The following CDH13 variants were observed in gnomAD, a reference collection of about 807,000 sequenced individuals.
The protein encoded by CDH13 is cadherin-13.
CDH13 carries 24 observed loss-of-function variants against 63.8 expected under a neutral mutation model. That is an observed-to-expected ratio of 0.38 (90% CI 0.27 to 0.53). The LOEUF (loss-of-function observed/expected upper bound fraction) is 0.53, where lower values mean the gene tolerates loss of function less well. Among genes scored for constraint, CDH13 ranks in the 20% least tolerant of loss-of-function variants. The pLI, the probability that CDH13 is intolerant of heterozygous loss-of-function variation, is 0.85. For missense variants in CDH13, 1,049 were observed against 903.1 expected, an observed-to-expected ratio of 1.16 and a Z score of -2.07; for synonymous variants, 503 against 355.3, an observed-to-expected ratio of 1.42 and a Z score of -4.67.
chr16:83,212,444 C>G (rs765268595), intron 4 of CDH13, among the ~76,000 whole-genome samples: 1 of 152,178 alleles, frequency 6.6e-6, no homozygotes, highest in African/African-American at 2.4e-5. Context: ...ATGCTTTCCT[C>G]GCCAAGCTTC....
At chr16:83,397,951 C>G (rs946571968) in intron 6 of CDH13, 1 of 152,178 alleles carries the variant, frequency 6.6e-6, no homozygotes, top group Non-Finnish European at 1.5e-5. Flanking sequence ...AGTCTTGCCC[C>G]AGATGTTCAA....
chr16:82,890,650 CTT>C (rs34036747), intron 2 of CDH13, among the ~76,000 whole-genome samples: 4 of 139,246 alleles, frequency 2.9e-5, no homozygotes, highest in Admixed American at 1.4e-4. Context: ...GAGAGACATT[CTT>C]TTTTTTTTTT....
intron 2 of CDH13, among the ~76,000 whole-genome samples, chr16:82,865,498 C>A (rs1375375048): frequency 6.6e-6 from 1 of 152,234 alleles, no homozygotes; most frequent in Non-Finnish European, 1.5e-5. Context: ...AGGCTTGGGG[C>A]TTGCACCCTC....
chr16:83,562,857 A>C (rs1598294378), intron 7 of CDH13, among the ~76,000 whole-genome samples: 1 of 152,212 alleles, frequency 6.6e-6, no homozygotes, highest in Non-Finnish European at 1.5e-5. Context: ...GTGCTATTCT[A>C]CTGTTACTAT....
intron 5 of CDH13, among the ~76,000 whole-genome samples, chr16:83,329,262 G>T (rs188049347): frequency 1.3e-5 from 2 of 152,192 alleles, no homozygotes; most frequent in African/African-American, 4.8e-5. Context: ...GTCCGGCTCT[G>T]TTGCCCAGGC....
At chr16:83,544,322 T>C (rs185797685) in intron 7 of CDH13, among the ~76,000 whole-genome samples, 29 of 152,198 alleles carry the variant, frequency 1.9e-4, no homozygotes, top group African/African-American at 6.7e-4. Context: ...TGGGTTTACA[T>C]TTCCATTCAG....
chr16:83,694,739 G>A (rs2150897680), intron 10 of CDH13, among the ~76,000 whole-genome samples: 1 of 152,300 alleles, frequency 6.6e-6, no homozygotes, highest in Non-Finnish European at 1.5e-5. Context: ...GGCAGGGTGT[G>A]GCTCTGGGCA....
At chr16:83,222,365 T>C (rs762354637) in intron 5 of CDH13, among the ~76,000 whole-genome samples, 13 of 152,330 alleles carry the variant, frequency 8.5e-5, no homozygotes, top group Middle Eastern at 3.4e-3. Flanking sequence ...TTCTAACCCA[T>C]CTGTAGCTCC....
chr16:82,876,531 T>C (rs2040509759), intron 2 of CDH13, among the ~76,000 whole-genome samples: 1 of 152,152 alleles, frequency 6.6e-6, no homozygotes, highest in African/African-American at 2.4e-5. Context: ...TTTAAAAAAA[T>C]AGATGGAACA....
At chr16:82,666,347 C>G (rs375593917) in intron 1 of CDH13, among the ~76,000 whole-genome samples, 13 of 152,206 alleles carry the variant, frequency 8.5e-5, no homozygotes, top group South Asian at 4.1e-4. Context: ...GCAGTTGATC[C>G]TACTTTCAAA....
intron 1 of CDH13, among the ~76,000 whole-genome samples, chr16:82,778,195 T>C (rs1313051032): frequency 6.6e-6 from 1 of 152,166 alleles, no homozygotes; most frequent in South Asian, 2.1e-4. Flanking sequence ...TTGGGTAGAA[T>C]TGTCCCTCCA....
intron 10 of CDH13, among the ~76,000 whole-genome samples, chr16:83,698,626 A>T (rs569320759): frequency 6.6e-6 from 1 of 152,306 alleles, no homozygotes; most frequent in South Asian, 2.1e-4. Flanking sequence ...TATGAGGAGG[A>T]TGCTTAGCCC....
chr16:83,335,126 A>G (rs958643140), intron 5 of CDH13, among the ~76,000 whole-genome samples: 12 of 152,224 alleles, frequency 7.9e-5, no homozygotes, highest in African/African-American at 2.9e-4. Context: ...TAAACAATAT[A>G]GTATACTGAC....
At chr16:83,549,575 C>G (rs532187810) in intron 7 of CDH13, among the ~76,000 whole-genome samples, 4 of 151,720 alleles carry the variant, frequency 2.6e-5, no homozygotes, top group East Asian at 3.9e-4. Flanking sequence ...GCATAGAGCA[C>G]TCCCTAACCC....
At chr16:83,496,332 A>G (rs1197301311) in intron 7 of CDH13, among the ~76,000 whole-genome samples, 1 of 148,094 alleles carries the variant, frequency 6.8e-6, no homozygotes, top group East Asian at 2.0e-4. Flanking sequence ...ATGGAACAGA[A>G]CAGAGCCCTC....
chr16:83,305,595 C>T (rs148006427), intron 5 of CDH13, among the ~76,000 whole-genome samples: 1 of 152,162 alleles, frequency 6.6e-6, no homozygotes, highest in African/African-American at 2.4e-5. Context: ...CCAGTTCTTC[C>T]ACGTAGCAGC....
intron 1 of CDH13, among the ~76,000 whole-genome samples, chr16:82,702,561 A>C (rs2031130082): frequency 1.3e-5 from 2 of 152,218 alleles, no homozygotes. Context: ...TCAGATGAAC[A>C]ATTTTGGAAT....
At chr16:83,287,296 G>A (rs1445341645) in intron 5 of CDH13, among the ~76,000 whole-genome samples, 1 of 152,218 alleles carries the variant, frequency 6.6e-6, no homozygotes, top group Non-Finnish European at 1.5e-5. Context: ...CTTTCATTCA[G>A]TAAGAGCGGG....
intron 7 of CDH13, among the ~76,000 whole-genome samples, chr16:83,506,293 A>G (rs1180873764): frequency 6.6e-6 from 1 of 152,164 alleles, no homozygotes; most frequent in East Asian, 1.9e-4. Context: ...GGGGTTGGGG[A>G]ATGGGGCAGT....
Sources: gnomAD v4.1 joint callset for allele counts (sites outside exome capture counted in the v4.1 genomes callset) on GRCh38, gnomAD v4.1.1 for gene constraint, MANE v1.5 for transcripts, NCBI Gene and HGNC (gene_info 2026-07-23, HGNC 2026-07-21) for gene names.